SARS1: variants seen among roughly 807,000 people sequenced by gnomAD.
SARS1 encodes seryl-tRNA synthetase 1, also known as serine--tRNA ligase, cytoplasmic.
Under a neutral mutation model 63.7 loss-of-function variants are expected in SARS1, and 25 were observed. The ratio of observed to expected loss-of-function variants is 0.39; its 90% CI spans 0.29 to 0.55. The LOEUF (loss-of-function observed/expected upper bound fraction) is 0.55. Among genes scored for constraint, SARS1 ranks in the 20% least tolerant of loss-of-function variants. The pLI is 0.62. For synonymous variants in SARS1, 231 were observed against 243.5 expected (o/e 0.95, Z 0.48); for missense variants, 417 against 649.7 (o/e 0.64, Z 3.89).
chr1:109,227,530 C>T (rs1655115692), intron 2 of SARS1, among the ~76,000 whole-genome samples: 1 of 152,106 alleles, frequency 6.6e-6, no homozygotes, highest in Non-Finnish European at 1.5e-5. Flanking sequence ...TTTTCCTTGG[C>T]TGTCTGATAT....
In SARS1 at chr1:109,237,244, G is replaced by A; in HGVS notation, c.1258G>A (p.Val420Met). The A allele has an allele frequency of 6.2e-7, 1 of 1,609,790 alleles. No individual in the cohort carries two copies. Among genetic ancestry groups the A allele is most frequent in the Non-Finnish European group, 8.5e-7 (1 of 1,178,340 alleles). Residue 420 changes from valine (V) to methionine (M), a missense_variant and splice_region_variant, in exon 10 of 11, where the codon GTG becomes ATG. Val to Met is a conservative substitution (Grantham distance 21, BLOSUM62 1). Transcript: ENST00000234677. The surrounding 1 kb of genome is among the most constrained non-coding windows in gnomAD (Gnocchi z 4.1). ...YGQTKKMMDK[V>M]EFVHMLNATM... ...CCCCTCTGGGACCCTGTCTTCCCAG[G>A]TGGAGTTTGTCCATATGCTCAATGC...
At chr1:109,220,329 C>T (rs1012265888) in intron 1 of SARS1, among the ~76,000 whole-genome samples, 11 of 152,194 alleles carry the variant, frequency 7.2e-5, no homozygotes, top group African/African-American at 2.7e-4. Context: ...GATTGATATT[C>T]CCACCAGCAA....
chr1:109,214,675 A>G lies in SARS1; in HGVS notation c.136+547A>G. On this transcript the variant is annotated intron_variant, in intron 1 of 10. Transcript: ENST00000234677. This position sits in a 1 kb window ranked among gnomAD's most constrained non-coding sequence, Gnocchi z 4.6. ...ATAAATGACCCTGAAGCTTTTCGGA[A>G]GGCCATCCCCCGACCTATGGGCATA... 1 of 985,642 alleles carries G rather than the reference A, an allele frequency of 1.0e-6. No homozygotes were observed. Among genetic ancestry groups the G allele is most frequent in the South Asian group, 4.7e-5 (1 of 21,312 alleles). 61.1% of individuals were successfully genotyped at this position (985,642 alleles called of 1,614,324 possible). A position where few individuals can be genotyped will look rare whatever the true frequency, so the allele number is the denominator to read the frequency against.
chr1:109,226,079 A>AC (rs757353948), intron 2 of SARS1, among the ~76,000 whole-genome samples: 2 of 151,166 alleles, frequency 1.3e-5, no homozygotes, highest in Non-Finnish European at 1.5e-5. Context: ...TGCAGCCTCA[A>AC]CCTCCTGGGC....
chr1:109,235,357 A>G lies in SARS1; in HGVS notation c.895A>G (p.Thr299Ala), dbSNP rs1655287518. Reference sequence around the variant, plus strand: ...GCCCATCAAGTATGCTGGCCTGTCTACCTGCTTCCGTCAGGAGGTGGGCTC... The same window carrying G: ...GCCCATCAAGTATGCTGGCCTGTCTGCCTGCTTCCGTCAGGAGGTGGGCTC... ...DLPIKYAGLS[T>A]CFRQEVGSHG... Residue 299 changes from threonine to alanine, a missense_variant, in exon 7 of 11, where the codon ACC (threonine) becomes GCC (alanine). By Grantham distance (58) the Thr-to-Ala change is moderately conservative. Transcript: ENST00000234677. The surrounding 1 kb of genome is among the most constrained non-coding windows in gnomAD (Gnocchi z 4.7). The G allele has an allele frequency of 6.2e-7, 1 of 1,613,970 alleles. No homozygotes were observed. The highest frequency in any genetic ancestry group is 2.2e-5 in the East Asian group (1 of 44,864).
Position 109,215,863 on chromosome 1 carries a change from C to T in SARS1, c.136+1735C>T, listed in dbSNP as rs957822195. The T allele has an allele frequency of 4.3e-5, 14 of 326,764 alleles. No individual in the cohort carries two copies. The Admixed American group carries it at 9.1e-4, about 21-fold the overall frequency. 20.2% of individuals were successfully genotyped at this position (326,764 alleles called of 1,614,324 possible). ...GGGACTACAGGTGTGCACCACCACA[C>T]CCAGCTAATTTTTTTTTTTAGTTGA... is the stretch of plus-strand genomic sequence containing the variant. On this transcript the variant is annotated intron_variant, in intron 1 of 10. Coordinates refer to ENST00000234677, the MANE Select transcript of SARS1 (RefSeq NM_006513.4).
intron 2 of SARS1, among the ~76,000 whole-genome samples, chr1:109,226,602 C>G (rs1655082926): frequency 6.9e-6 from 1 of 145,824 alleles, no homozygotes; most frequent in African/African-American, 2.5e-5. Context: ...CAAGCAGTCC[C>G]CCCGCCTCAG....
chr1:109,216,942 T>C (rs1410122047), intron 1 of SARS1: 27 of 985,306 alleles, frequency 2.7e-5, no homozygotes, highest in Non-Finnish European at 3.3e-5. Context: ...TATTTCCTCA[T>C]AACCTTTACT....
chr1:109,216,987 G>T (rs1654805075), intron 1 of SARS1: 1 of 985,220 alleles, frequency 1.0e-6, no homozygotes, highest in Non-Finnish European at 1.2e-6. Flanking sequence ...ATCATTGTTT[G>T]CCCCAGCAAC....
At chr1:109,234,638 C>G (rs1176777515) in intron 6 of SARS1, among the ~76,000 whole-genome samples, 4 of 152,274 alleles carry the variant, frequency 2.6e-5, no homozygotes, top group Admixed American at 2.6e-4. Flanking sequence ...CAGCATTGAC[C>G]ATTATTCATC....
At chr1:109,226,735 T>C (rs1420837166) in intron 2 of SARS1, among the ~76,000 whole-genome samples, 2 of 66,978 alleles carry the variant, frequency 3.0e-5, no homozygotes, top group Non-Finnish European at 3.6e-5. Context: ...CACATATATA[T>C]ATATTTATTT....
rs752386701 is a variant in SARS1 at position 109,229,438 on chromosome 1, A to G, written c.313A>G (p.Lys105Glu). ...LANLKVSQIK[K>E]VRLLIDEAIL... The stretch of plus-strand genomic sequence containing the variant: ...GAACCTGAAAGTCTCACAAATCAAA[A>G]AAGTCCGACTCCTCATTGATGAAGC... Residue 105 changes from lysine (K) to glutamate (E), a missense_variant, in exon 4 of 11, where the codon AAA (lysine) becomes GAA (glutamate). Around this residue, in one of 3 missense-constraint regions of SARS1, gnomAD observed 359 missense variants for 529.6 expected, o/e 0.68. Coordinates refer to ENST00000234677, the MANE Select transcript of SARS1 (RefSeq NM_006513.4). The G allele has an allele frequency of 1.2e-6, 2 of 1,614,066 alleles. No homozygotes were observed. Among genetic ancestry groups the G allele is most frequent in the African/African-American group, 2.7e-5 (2 of 75,012 alleles).
At chr1:109,220,005 A>G (rs1235714742) in intron 1 of SARS1, among the ~76,000 whole-genome samples, 1 of 152,176 alleles carries the variant, frequency 6.6e-6, no homozygotes, top group Non-Finnish European at 1.5e-5. Context: ...ATAAGCTTCT[A>G]GAGACTCTTT....
At chr1:109,224,331 C>G (rs1239614188) in intron 2 of SARS1, among the ~76,000 whole-genome samples, 1 of 152,122 alleles carries the variant, frequency 6.6e-6, no homozygotes, top group Non-Finnish European at 1.5e-5. Context: ...ATAAATTCCA[C>G]CAGTCATCTT....
intron 1 of SARS1, among the ~76,000 whole-genome samples, chr1:109,223,662 A>C (rs1394310846): frequency 6.6e-6 from 1 of 152,096 alleles, no homozygotes; most frequent in Non-Finnish European, 1.5e-5. Context: ...AAATTAGCCG[A>C]GTGTGGTGGC....
chr1:109,216,442 T>G, intron 1 of SARS1: 2 of 985,378 alleles, frequency 2.0e-6, no homozygotes, highest in South Asian at 9.4e-5. Flanking sequence ...TGTGATTTCT[T>G]CTTTTTAATT....
chr1:109,226,810 C>G (rs1655100016), intron 2 of SARS1, among the ~76,000 whole-genome samples: 1 of 148,362 alleles, frequency 6.7e-6, no homozygotes. Context: ...GTCTTGAACT[C>G]CTGGGCTAAA....
rs1014650448 is a variant in SARS1 at position 109,214,274 on chromosome 1, C to A, written c.136+146C>A. On this transcript the variant is annotated intron_variant, in intron 1 of 10. Transcript: ENST00000234677. The surrounding 1 kb of genome is among the most constrained non-coding windows in gnomAD (Gnocchi z 4.6). The stretch of plus-strand genomic sequence containing the variant: ...GTGGCTCCGAGGTTCTCCCCATCCC[C>A]GAAAACACAGCCTGGTCGCCGGGGT... 5 of 1,033,516 alleles carry A rather than the reference C, an allele frequency of 4.8e-6. No individual in the cohort carries two copies. The highest frequency in any genetic ancestry group is 2.4e-4 in the Middle Eastern group (1 of 4,128). 64.0% of individuals were successfully genotyped at this position (1,033,516 alleles called of 1,614,324 possible).
chr1:109,225,179 T>C (rs576553978), intron 2 of SARS1, among the ~76,000 whole-genome samples: 1 of 152,200 alleles, frequency 6.6e-6, no homozygotes, highest in South Asian at 2.1e-4. Flanking sequence ...ACCTCAAAAC[T>C]AAACAACAAC....
Sources: gnomAD v4.1 joint callset for allele counts (sites outside exome capture counted in the v4.1 genomes callset) on GRCh38, gnomAD v4.1.1 for gene constraint, gnomAD v4.1.1 regional missense constraint, Gnocchi (gnomAD v3.1) non-coding constraint, MANE v1.5 for transcripts, NCBI Gene and HGNC (gene_info 2026-07-23, HGNC 2026-07-21) for gene names.